Variants in SMC2 observed in about 807,000 individuals in gnomAD.
The protein encoded by SMC2 is structural maintenance of chromosomes 2.
In SMC2, 41 loss-of-function variants were observed where a neutral mutation model predicts 142.6. That is an observed-to-expected ratio of 0.29 (90% confidence interval 0.22 to 0.37). The LOEUF (loss-of-function observed/expected upper bound fraction) is 0.37. Ranked by LOEUF, SMC2 falls within the 10% of genes least tolerant of loss-of-function variation. The probability of loss-of-function intolerance (pLI) is 1.00; values close to 1 mark genes in which losing one functional copy is unlikely to be tolerated. For synonymous variants in SMC2, 463 were observed against 457.5 expected, an observed-to-expected ratio of 1.01 and a Z score of -0.15; for missense variants, 1,265 against 1,373.7, an observed-to-expected ratio of 0.92 and a Z score of 1.25.
At chr9:104,095,033 T>C (rs979795072) in intron 1 of SMC2, among the ~76,000 whole-genome samples, 1 of 152,178 alleles carries the variant, frequency 6.6e-6, no homozygotes, top group African/African-American at 2.4e-5. Flanking sequence ...TAATGGGATA[T>C]GTAATAATCC....
At chr9:104,100,516 C>T in intron 7 of SMC2, 83 bp downstream of exon 7, 1 of 892,916 alleles carries the variant, frequency 1.1e-6, no homozygotes, top group Non-Finnish European at 1.8e-6. Flanking sequence ...CATAGTGATA[C>T]TATTTCTTGG....
At chr9:104,117,827 G>T (rs886822974) in intron 14 of SMC2, among the ~76,000 whole-genome samples, 19 of 152,116 alleles carry the variant, frequency 1.2e-4, no homozygotes, top group Non-Finnish European at 2.4e-4. Flanking sequence ...TAGGATAAAG[G>T]ATACTCAATC....
chr9:104,098,648 T>G, intron 4 of SMC2, 80 bp downstream of exon 4: 1 of 1,368,800 alleles, frequency 7.3e-7, no homozygotes, highest in Non-Finnish European at 1.0e-6. Flanking sequence ...ATAGAAGTAC[T>G]TTATGTTTTG....
chr9:104,137,926 C>G (rs1835732192), intron 23 of SMC2, 92 bp from the exon 24 acceptor site: 3 of 821,096 alleles, frequency 3.7e-6, no homozygotes, highest in Non-Finnish European at 5.3e-6. Flanking sequence ...TAAATCTGCT[C>G]TATTCACAAT....
At chr9:104,090,893 T>C (rs922845792), upstream of SMC2, among the ~76,000 whole-genome samples, 6 of 151,926 alleles carry the variant, frequency 3.9e-5, no homozygotes, top group African/African-American at 1.5e-4. Flanking sequence ...AAGGACAAAA[T>C]AATAGAAATC....
At chr9:104,088,902 C>G in the SMC2 span, among the ~76,000 whole-genome samples, 1 of 151,906 alleles carries the variant, frequency 6.6e-6, no homozygotes, top group African/African-American at 2.4e-5. Context: ...CCTATTGAAT[C>G]CACTGATACA....
At chr9:104,089,937 T>A (rs1388344536), upstream of SMC2, among the ~76,000 whole-genome samples, 1 of 151,878 alleles carries the variant, frequency 6.6e-6, no homozygotes, top group Admixed American at 6.5e-5. Flanking sequence ...TGAGCCACCG[T>A]GCCTGGCTGA....
intron 4 of SMC2, among the ~76,000 whole-genome samples, chr9:104,099,089 A>G (rs1830823251): frequency 6.6e-6 from 1 of 152,066 alleles, no homozygotes; most frequent in Non-Finnish European, 1.5e-5. Context: ...CATAGTTGAA[A>G]CTTTACTTTA....
intron 20 of SMC2, among the ~76,000 whole-genome samples, chr9:104,129,089 T>G (rs1834638905): frequency 6.6e-6 from 1 of 152,176 alleles, no homozygotes; most frequent in Admixed American, 6.6e-5. Context: ...TCTCTGTGAG[T>G]TGGCTCTTCT....
At position 104,113,340 on chromosome 9, in the gene SMC2, C is replaced by T; in HGVS notation, c.1279C>T (p.Gln427Ter). The change falls in exon 11 of 25, where the codon CAA (glutamine) becomes TAA (stop). Residue 427 changes from glutamine (Q) to a stop codon, truncating the protein, a stop_gained. Transcript: ENST00000374793. LOFTEE classifies it high-confidence loss of function. ...GGCTCAGATGAAGTTGAAGCATGCT[C>T]AACAGGAATTAAAGAATAAACAAGC... The part of the protein sequence containing the change: ...KQAQMKLKHA[Q>*]QELKNKQAEV... The T allele has an allele frequency of 6.2e-7, 1 of 1,607,848 alleles. No individual in the cohort carries two copies. Among genetic ancestry groups the T allele is most frequent in the Non-Finnish European group, 8.5e-7 (1 of 1,177,368 alleles).
chr9:104,131,685 G>A (rs540887723), intron 21 of SMC2, among the ~76,000 whole-genome samples: 3 of 148,132 alleles, frequency 2.0e-5, no homozygotes, highest in Non-Finnish European at 4.5e-5. Flanking sequence ...CTGCTAAGGA[G>A]ATAAGGGAAT....
chr9:104,127,258 C>T (rs749476441), intron 19 of SMC2, 28 bp from the exon 20 acceptor site: 37 of 1,502,854 alleles, frequency 2.5e-5, no homozygotes, highest in Non-Finnish European at 3.1e-5. Context: ...TACCTCACCA[C>T]ATATTTTCTT....
intron 5 of SMC2, 72 bp from the exon 6 acceptor site, chr9:104,100,021 G>C: frequency 2.3e-6 from 2 of 881,024 alleles, no homozygotes; most frequent in Non-Finnish European, 3.5e-6. Context: ...AGGCAAAAAT[G>C]ATATATTTAA....
At chr9:104,138,274 C>A in intron 24 of SMC2, 109 bp downstream of exon 24, 1 of 848,986 alleles carries the variant, frequency 1.2e-6, no homozygotes, top group African/African-American at 1.7e-5. Flanking sequence ...TTGATAAATA[C>A]TAAAGCATTG....
At chr9:104,133,678 A>C (rs181546508) in intron 22 of SMC2, among the ~76,000 whole-genome samples, 1 of 152,256 alleles carries the variant, frequency 6.6e-6, no homozygotes, top group East Asian at 1.9e-4. Flanking sequence ...CGTATGAACA[A>C]AAATTACCCT....
chr9:104,096,317 T>C lies in SMC2; in HGVS notation c.318+20T>C. ...AGGCAGGTGAGTGGCAATTAAACCT[T>C]TGGGTATCTTAAGACCTTTTATGTC... On this transcript the variant is annotated intron_variant, in intron 3 of 24. Transcript: ENST00000374793. 1 of 1,612,150 alleles carries C rather than the reference T, an allele frequency of 6.2e-7. No homozygotes were observed. Among genetic ancestry groups the C allele is most frequent in the Non-Finnish European group, 8.5e-7 (1 of 1,178,658 alleles).
At position 104,131,514 on chromosome 9, in the gene SMC2, T is replaced by TA. The variant is rs201100241; in HGVS notation, c.2992-487dup. Among the ~76,000 whole-genome samples the TA allele has an allele frequency of 7.6e-3, 1,153 of 151,874 alleles. 16 individuals carry two copies. Among genetic ancestry groups the TA allele is most frequent in the East Asian group, 0.028 (145 of 5,160 alleles). Reference sequence around the variant, plus strand: ...GCACATGTATCCCAAAACTTAAAATTAAAAAAAAGTAAGGTCCAATTTATG... The same window carrying TA: ...GCACATGTATCCCAAAACTTAAAATTAAAAAAAAAGTAAGGTCCAATTTATG... On this transcript the variant is annotated intron_variant, in intron 21 of 24. Transcript: ENST00000374793.
Position 104,110,121 on chromosome 9 carries a change from G to A in SMC2, c.1021-1460G>A, listed in dbSNP as rs112669012. On this transcript the variant is annotated intron_variant, in intron 9 of 24. Transcript: ENST00000374793. ...TAGAAAGTGATCTCTTGTGGTTCTC[G>A]TGTATTTTTCATCACGTTTAATGCA... Among the ~76,000 whole-genome samples, 14 of 152,230 alleles carry A rather than the reference G, an allele frequency of 9.2e-5. No homozygotes were observed. The South Asian group carries it at 1.2e-3, about 14-fold the overall frequency.
At chr9:104,106,245 G>A (rs1831763715) in intron 9 of SMC2, among the ~76,000 whole-genome samples, 1 of 152,090 alleles carries the variant, frequency 6.6e-6, no homozygotes, top group Admixed American at 6.5e-5. Flanking sequence ...GATGTTCCTT[G>A]GGCAGAGTGA....
Sources: allele counts gnomAD v4.1 joint callset (sites outside exome capture counted in the v4.1 genomes callset), GRCh38; gene constraint gnomAD v4.1.1; transcripts MANE v1.5; gene names NCBI Gene and HGNC (gene_info 2026-07-23, HGNC 2026-07-21).